PTPRF: variants seen among roughly 807,000 people sequenced by gnomAD.
PTPRF encodes the protein protein tyrosine phosphatase receptor type F.
A neutral mutation model predicts 201.8 loss-of-function variants in PTPRF; 59 were observed. That is an observed-to-expected ratio of 0.29 (90% CI 0.24 to 0.36). The LOEUF is 0.36. Among genes scored for constraint, PTPRF ranks in the 10% least tolerant of loss-of-function variants. The pLI is 1.00. For missense variants in PTPRF, 2,132 were observed against 2,690.5 expected (o/e 0.79, Z 4.59); for synonymous variants, 1,088 against 1,089.7 (o/e 1.00, Z 0.03).
Position 43,553,818 on chromosome 1 carries a change from G to A in PTPRF, c.256G>A (p.Gly86Arg), listed in dbSNP as rs954717138. ...CTGACAGGTCATTGAGTTTGATGATGGGGCAGGGTCAGTGCTTCGGATCCA... is the reference window on the plus strand; with the variant it reads ...CTGACAGGTCATTGAGTTTGATGATAGGGCAGGGTCAGTGCTTCGGATCCA... ...QRFEVIEFDD[G>R]AGSVLRIQPL... is the part of the protein sequence containing the mutation. Residue 86 changes from glycine (G) to arginine (R), a missense_variant, in exon 5 of 34, where the codon GGG (glycine) becomes AGG (arginine). This residue lies in a region of PTPRF where 297 missense variants were observed against 454.0 expected (regional missense o/e 0.65). Transcript: ENST00000359947. The surrounding 1 kb of genome is among the most constrained non-coding windows in gnomAD (Gnocchi z 4.1). 2 of 1,614,192 alleles carry A rather than the reference G, an allele frequency of 1.2e-6. No individual in the cohort carries two copies. The highest frequency in any genetic ancestry group is 1.7e-6 in the Non-Finnish European group (2 of 1,180,032).
At chr1:43,524,417 TG>T (rs1643038539), upstream of PTPRF, among the ~76,000 whole-genome samples, 1 of 152,138 alleles carries the variant, frequency 6.6e-6, no homozygotes, top group Admixed American at 6.6e-5. Context: ...CCCAGCACTT[TG>T]GGAGGCCAAG....
At chr1:43,607,079 G>T (rs1655306630) in intron 21 of PTPRF, 111 bp downstream of exon 21, 1 of 1,419,886 alleles carries the variant, frequency 7.0e-7, no homozygotes, top group Non-Finnish European at 9.6e-7. Flanking sequence ...TGGACCCTGA[G>T]CCTCAGGCTC....
intron 1 of PTPRF, among the ~76,000 whole-genome samples, chr1:43,536,824 G>A (rs1264110583): frequency 6.6e-6 from 1 of 152,164 alleles, no homozygotes; most frequent in East Asian, 1.9e-4. Context: ...TGGAGGCTGG[G>A]TCGCCAAGCT....
chr1:43,620,377 C>G lies in PTPRF; in HGVS notation c.5239-77C>G, dbSNP rs1658916168. The G allele has an allele frequency of 7.2e-6, 11 of 1,534,752 alleles. No individual in the cohort carries two copies. In the South Asian group the frequency reaches 1.1e-4, roughly 15 times the overall value. On this transcript the variant is annotated intron_variant, in intron 30 of 33. Transcript: ENST00000359947. Reference sequence around the variant, plus strand: ...GTTATTACTACCTGAGGCATCTGTCCCAGAATCCTGTGAAGCCTGGCACCC... The same window carrying G: ...GTTATTACTACCTGAGGCATCTGTCGCAGAATCCTGTGAAGCCTGGCACCC...
chr1:43,606,486 C>T (rs752018167), intron 20 of PTPRF, 28 bp downstream of exon 20: 3 of 1,586,146 alleles, frequency 1.9e-6, no homozygotes, highest in Admixed American at 3.4e-5. Context: ...TGGCTGTCAG[C>T]ACCCTGATTC....
chr1:43,609,776 T>C (rs1656001950), intron 22 of PTPRF, among the ~76,000 whole-genome samples: 1 of 152,200 alleles, frequency 6.6e-6, no homozygotes. Flanking sequence ...GGCCTCTGAA[T>C]ATGGGCTGAG....
chr1:43,617,868 C>T lies in PTPRF; in HGVS notation c.4328C>T (p.Thr1443Met), dbSNP rs1192576595. 2 of 1,613,668 alleles carry T rather than the reference C, an allele frequency of 1.2e-6. No individual in the cohort carries two copies. Among genetic ancestry groups the T allele is most frequent in the Non-Finnish European group, 1.7e-6 (2 of 1,179,756 alleles). The change falls in exon 25 of 34, where the codon ACG becomes ATG. Residue 1443 changes from threonine (T) to methionine (M), a missense_variant. Around this residue, in one of 6 missense-constraint regions of PTPRF, gnomAD observed 519 missense variants for 659.5 expected, o/e 0.79. Transcript: ENST00000359947. ...TGGAGGATGGTGTGGGAACAGCGCACGGCCACTGTGGTCATGATGACACGG... is the reference window on the plus strand; with the variant it reads ...TGGAGGATGGTGTGGGAACAGCGCATGGCCACTGTGGTCATGATGACACGG... Reference protein sequence around the residue: ...DFWRMVWEQRTATVVMMTRLE... With the variant: ...DFWRMVWEQRMATVVMMTRLE...
intron 5 of PTPRF, among the ~76,000 whole-genome samples, chr1:43,565,862 A>G (rs1197696065): frequency 6.6e-6 from 1 of 152,118 alleles, no homozygotes; most frequent in African/African-American, 2.4e-5. Context: ...GGACTCGGGC[A>G]CACGCAGCCC....
intron 7 of PTPRF, 177 bp downstream of exon 7, chr1:43,579,097 G>C: frequency 1.4e-6 from 1 of 725,382 alleles, no homozygotes; most frequent in East Asian, 2.7e-5. Context: ...AGTTCCTGGC[G>C]TCTGCCACTA....
At chr1:43,529,277 G>A (rs1643253845), upstream of PTPRF, among the ~76,000 whole-genome samples, 1 of 152,200 alleles carries the variant, frequency 6.6e-6, no homozygotes, top group Admixed American at 6.5e-5. Context: ...ACTGGAGCCA[G>A]TCCCATCCCC....
intron 5 of PTPRF, among the ~76,000 whole-genome samples, chr1:43,568,907 C>G (rs1002833721): frequency 2.6e-5 from 4 of 152,234 alleles, no homozygotes; most frequent in Non-Finnish European, 5.9e-5. Context: ...CCTCCACACA[C>G]TCAGGCATGG....
chr1:43,531,139 C>T (rs1203845251), intron 1 of PTPRF, 49 bp downstream of exon 1: 1 of 137,730 alleles, frequency 7.3e-6, no homozygotes, highest in Non-Finnish European at 1.6e-5. Context: ...CCCGTCCCTT[C>T]CCCGCTCTCC....
chr1:43,592,357 T>C (rs1408479415), intron 10 of PTPRF, 100 bp from the exon 11 acceptor site: 1 of 1,403,144 alleles, frequency 7.1e-7, no homozygotes. Context: ...CCTGGAGCCG[T>C]GGTGGGTCCA....
upstream of PTPRF, among the ~76,000 whole-genome samples, chr1:43,525,451 G>A (rs530249676): frequency 2.0e-5 from 3 of 152,260 alleles, no homozygotes; most frequent in African/African-American, 7.2e-5. Context: ...ACACTAAGCT[G>A]GAAACAGAGG....
intron 6 of PTPRF, chr1:43,576,068 A>C: frequency 1.6e-6 from 1 of 608,714 alleles, no homozygotes; most frequent in Non-Finnish European, 2.7e-6. Context: ...CACCCCCAAC[A>C]CCACCGGCCA....
intron 30 of PTPRF, 73 bp downstream of exon 30, chr1:43,620,294 C>T (rs1570748700): frequency 1.9e-6 from 3 of 1,587,780 alleles, no homozygotes; most frequent in East Asian, 4.5e-5. Context: ...GGAGCTGCCG[C>T]CTATGTTACT....
intron 7 of PTPRF, among the ~76,000 whole-genome samples, chr1:43,585,895 C>T (rs968749342): frequency 6.6e-6 from 1 of 152,194 alleles, no homozygotes; most frequent in Non-Finnish European, 1.5e-5. Flanking sequence ...GGGGTCAAGC[C>T]TGCAATCATG....
At chr1:43,613,330 G>T in intron 22 of PTPRF, 1 of 383,496 alleles carries the variant, frequency 2.6e-6, no homozygotes, top group Non-Finnish European at 4.9e-6. Context: ...CTGGGAGGAA[G>T]GAAGCCTCTC....
chr1:43,599,616 C>G lies in PTPRF; in HGVS notation c.2313+703C>G, dbSNP rs150228767. The stretch of plus-strand genomic sequence containing the variant: ...GAGCTAGGCCTGCTGGCCAGCCTCA[C>G]ACCTCCCTCTGTGCACATCTGTCTT... On this transcript the variant is annotated intron_variant, in intron 13 of 33. Coordinates refer to ENST00000359947, the MANE Select transcript of PTPRF (RefSeq NM_002840.5). 1.4e-3 allele frequency among the ~76,000 whole-genome samples: 218 copies of G among 152,346 alleles called. 1 individual carries two copies. Among genetic ancestry groups the G allele is most frequent in the African/African-American group, 5.1e-3 (214 of 41,580 alleles).
Sources: gnomAD v4.1 joint callset for allele counts (sites outside exome capture counted in the v4.1 genomes callset) on GRCh38, gnomAD v4.1.1 for gene constraint, gnomAD v4.1.1 regional missense constraint, Gnocchi (gnomAD v3.1) non-coding constraint, MANE v1.5 for transcripts, NCBI Gene and HGNC (gene_info 2026-07-23, HGNC 2026-07-21) for gene names.